INPP5F: variants seen among roughly 807,000 people sequenced by gnomAD.
INPP5F encodes the protein inositol polyphosphate-5-phosphatase F.
In INPP5F, 97 loss-of-function variants were observed where a neutral mutation model predicts 137.2. That is an observed-to-expected ratio of 0.71 (90% CI 0.60 to 0.84). The LOEUF (loss-of-function observed/expected upper bound fraction) is 0.84. Ranked by LOEUF, INPP5F falls within the 40% of genes least tolerant of loss-of-function variation. The pLI is 0.00. For missense variants in INPP5F, 1,271 were observed against 1,371.9 expected (o/e 0.93, Z 1.16); for synonymous variants, 504 against 476.9 (o/e 1.06, Z -0.74).
chr10:119,801,219 C>T lies in INPP5F; in HGVS notation c.1116+2609C>T, dbSNP rs148512532. Among the ~76,000 whole-genome samples, 10 of 152,298 alleles carry T rather than the reference C, an allele frequency of 6.6e-5. No homozygotes were observed. The East Asian group carries it at 1.7e-3, about 26-fold the overall frequency. ...GATCCACGTGTACTAATGGGAAGATCTTAAAATCACCTTGTGGGGTAAGAA... is the reference window on the plus strand; with the variant it reads ...GATCCACGTGTACTAATGGGAAGATTTTAAAATCACCTTGTGGGGTAAGAA... On this transcript the variant is annotated intron_variant, in intron 9 of 19. Coordinates refer to ENST00000650623, the MANE Select transcript of INPP5F (RefSeq NM_014937.4).
At chr10:119,732,042 T>G (rs866759926) in intron 1 of INPP5F, among the ~76,000 whole-genome samples, 31 of 149,402 alleles carry the variant, frequency 2.1e-4, no homozygotes, top group South Asian at 1.9e-3. Context: ...AGTGGTTTTT[T>G]TTTTTTTTTT....
At chr10:119,733,945 A>T (rs1848155001) in intron 1 of INPP5F, among the ~76,000 whole-genome samples, 1 of 152,222 alleles carries the variant, frequency 6.6e-6, no homozygotes, top group Non-Finnish European at 1.5e-5. Context: ...AAATAATTCT[A>T]GTCCCTGGTC....
intron 2 of INPP5F, among the ~76,000 whole-genome samples, chr10:119,780,632 A>C (rs533771914): frequency 6.6e-6 from 1 of 152,218 alleles, no homozygotes; most frequent in African/African-American, 2.4e-5. Context: ...TATTATGTAC[A>C]GTCGGCCCTG....
chr10:119,820,259 G>A (rs986535758), intron 15 of INPP5F, among the ~76,000 whole-genome samples: 4 of 152,140 alleles, frequency 2.6e-5, no homozygotes, highest in Admixed American at 6.5e-5. Flanking sequence ...TTTAGAATGG[G>A]TATAAATATG....
intron 1 of INPP5F, among the ~76,000 whole-genome samples, chr10:119,741,500 CCAA>C (rs1045218304): frequency 6.6e-6 from 1 of 152,040 alleles, no homozygotes; most frequent in African/African-American, 2.4e-5. Flanking sequence ...CTGCTAGAGG[CCAA>C]CAACAGCTTT....
Position 119,823,126 on chromosome 10 carries a change from C to T in INPP5F, c.2088C>T (p.Tyr696=). ...KPKFSCMRLH[Y]RYKEASGYFH... Reference sequence around the variant, plus strand: ...AGTTCTCCTGCATGCGACTGCACTACAGATACAAAGAAGCGAGTGGCTATT... The same window carrying T: ...AGTTCTCCTGCATGCGACTGCACTATAGATACAAAGAAGCGAGTGGCTATT... Residue 696 remains tyrosine, a synonymous_variant, in exon 18 of 20, where the codon TAC becomes TAT. Coordinates refer to ENST00000650623, the MANE Select transcript of INPP5F (RefSeq NM_014937.4). 1 of 1,614,104 alleles carries T rather than the reference C, an allele frequency of 6.2e-7. No homozygotes were observed. The highest frequency in any genetic ancestry group is 1.1e-5 in the South Asian group (1 of 91,080).
chr10:119,803,327 G>A (rs1826727316), intron 9 of INPP5F, among the ~76,000 whole-genome samples: 1 of 152,156 alleles, frequency 6.6e-6, no homozygotes. Flanking sequence ...TTAATGAGAT[G>A]TAGGGAGCTA....
intron 2 of INPP5F, among the ~76,000 whole-genome samples, chr10:119,764,916 T>C (rs1200422613): frequency 1.3e-5 from 2 of 151,302 alleles, no homozygotes; most frequent in African/African-American, 4.9e-5. Context: ...TTTCTCTAGC[T>C]TACTTTATTT....
chr10:119,809,987 C>T, intron 13 of INPP5F, 113 bp from the exon 14 acceptor site: 3 of 672,716 alleles, frequency 4.5e-6, no homozygotes, highest in South Asian at 3.8e-5. Context: ...GAAGTCAGAC[C>T]TTGGAAATTA....
At chr10:119,802,834 A>G (rs978306541) in intron 9 of INPP5F, among the ~76,000 whole-genome samples, 5 of 152,194 alleles carry the variant, frequency 3.3e-5, no homozygotes, top group African/African-American at 1.2e-4. Context: ...CAACAGTAGG[A>G]GCTAGTGCCC....
At position 119,826,583 on chromosome 10, in the gene INPP5F, A is replaced by G. The variant is rs367969051; in HGVS notation, c.2250-48A>G. On this transcript the variant is annotated intron_variant, in intron 19 of 19. Transcript: ENST00000650623. The stretch of plus-strand genomic sequence containing the variant: ...ACTTATGTTAATAACTGGAACTGGC[A>G]TATTGGATTCCATGGGGAATTAACT... 4 of 1,383,386 alleles carry G rather than the reference A, an allele frequency of 2.9e-6. No individual in the cohort carries two copies. The African/African-American group carries it at 4.4e-5, about 15-fold the overall frequency. 85.7% of individuals were successfully genotyped at this position (1,383,386 alleles called of 1,614,324 possible).
chr10:119,775,479 G>C (rs1589701610), intron 2 of INPP5F, among the ~76,000 whole-genome samples: 1 of 152,230 alleles, frequency 6.6e-6, no homozygotes, highest in East Asian at 1.9e-4. Context: ...TGCCCAGGCT[G>C]GTCTTGAACT....
intron 1 of INPP5F, among the ~76,000 whole-genome samples, chr10:119,746,892 G>A (rs1175583375): frequency 6.6e-6 from 1 of 151,798 alleles, no homozygotes. Context: ...GGATTCAAGC[G>A]ATTCTTGTGC....
chr10:119,773,855 A>G, intron 2 of INPP5F, among the ~76,000 whole-genome samples: 1 of 152,220 alleles, frequency 6.6e-6, no homozygotes, highest in East Asian at 1.9e-4. Flanking sequence ...GGTGCAGGCC[A>G]CCACGCCTGG....
rs1848680239 is a variant in INPP5F at position 119,751,152 on chromosome 10, T to C, written c.174T>C (p.His58=). ...VEGVIGKIQL[H]SDLPWWLILI... is the part of the protein sequence containing the mutation. The stretch of plus-strand genomic sequence containing the variant: ...GTGTTATTGGGAAAATTCAACTTCA[T>C]TCAGGTATGTTTCTATAAACTCCTT... The change falls in exon 2 of 20, where the codon CAT becomes CAC. Residue 58 remains histidine, a synonymous_variant. Coordinates refer to ENST00000650623, the MANE Select transcript of INPP5F (RefSeq NM_014937.4). 6.3e-7 allele frequency: 1 copy of C among 1,586,866 alleles called. No individual in the cohort carries two copies.
chr10:119,788,844 T>A (rs1004323753), intron 3 of INPP5F, among the ~76,000 whole-genome samples: 6 of 152,222 alleles, frequency 3.9e-5, no homozygotes, highest in African/African-American at 1.4e-4. Flanking sequence ...GGGTGCAGAC[T>A]AGGTGTGCTG....
At chr10:119,811,458 G>GA (rs1486848710) in intron 14 of INPP5F, among the ~76,000 whole-genome samples, 1 of 152,108 alleles carries the variant, frequency 6.6e-6, no homozygotes, top group Non-Finnish European at 1.5e-5. Flanking sequence ...ATTTATACCA[G>GA]ATAGATGAAT....
chr10:119,746,699 T>TGTAA (rs1188082650), intron 1 of INPP5F, among the ~76,000 whole-genome samples: 2 of 152,102 alleles, frequency 1.3e-5, no homozygotes, highest in African/African-American at 4.8e-5. Flanking sequence ...GAAAGGAACT[T>TGTAA]GTAAGTCAAT....
chr10:119,784,338 C>T (rs1244809244), intron 3 of INPP5F, among the ~76,000 whole-genome samples: 2 of 152,176 alleles, frequency 1.3e-5, no homozygotes, highest in Non-Finnish European at 2.9e-5. Flanking sequence ...ACCAGTGTTA[C>T]TTTCACATGT....
Sources: allele counts gnomAD v4.1 joint callset (sites outside exome capture counted in the v4.1 genomes callset), GRCh38; gene constraint gnomAD v4.1.1; transcripts MANE v1.5; gene names NCBI Gene and HGNC (gene_info 2026-07-23, HGNC 2026-07-21).